The following SDC4 variants were observed in gnomAD, a reference collection of about 807,000 sequenced individuals.
SDC4 encodes syndecan-4.
Under a neutral mutation model 20.5 loss-of-function variants are expected in SDC4, and 17 were observed. The ratio of observed to expected loss-of-function variants is 0.83; its 90% CI spans 0.57 to 1.25. SDC4 has a LOEUF of 1.25. Ranked by LOEUF, SDC4 falls within the 50% of genes most tolerant of loss-of-function variation. The probability of loss-of-function intolerance (pLI) is 0.00; values close to 1 mark genes in which losing one functional copy is unlikely to be tolerated. For synonymous variants in SDC4, 107 were observed against 105.3 expected (o/e 1.02, Z -0.10); for missense variants, 241 against 252.3 (o/e 0.96, Z 0.30).
chr20:45,337,974 C>T (rs1471926865), intron 1 of SDC4, among the ~76,000 whole-genome samples: 3 of 152,186 alleles, frequency 2.0e-5, no homozygotes, highest in African/African-American at 2.4e-5. Flanking sequence ...TTCAAGCCCC[C>T]GCACATAGCC....
chr20:45,338,849 C>G (rs973334483), intron 1 of SDC4, among the ~76,000 whole-genome samples: 2 of 152,128 alleles, frequency 1.3e-5, no homozygotes, highest in Non-Finnish European at 2.9e-5. Flanking sequence ...GGCCTGGATT[C>G]GATCCTATTT....
intron 1 of SDC4, among the ~76,000 whole-genome samples, chr20:45,341,638 G>A (rs1366735275): frequency 6.6e-6 from 1 of 152,188 alleles, no homozygotes; most frequent in South Asian, 2.1e-4. Context: ...GGTTAAACCA[G>A]GTCTGGGGGT....
chr20:45,338,659 G>C (rs146089968), intron 1 of SDC4, among the ~76,000 whole-genome samples: 105 of 152,320 alleles, frequency 6.9e-4, no homozygotes, highest in African/African-American at 2.5e-3. Flanking sequence ...GGCTATGAGC[G>C]AAAGTGGGGC....
chr20:45,336,077 G>A (rs901294306), intron 1 of SDC4, among the ~76,000 whole-genome samples, 157 bp from the exon 2 acceptor site: 13 of 152,068 alleles, frequency 8.5e-5, no homozygotes, highest in Admixed American at 2.0e-4. Flanking sequence ...CTAACTCACC[G>A]CGTGTCCTTA....
intron 1 of SDC4, among the ~76,000 whole-genome samples, chr20:45,336,724 T>C (rs1245576390): frequency 6.6e-6 from 1 of 152,044 alleles, no homozygotes; most frequent in African/African-American, 2.4e-5. Flanking sequence ...AGTGGGCTCC[T>C]GGTTCTGGTC....
chr20:45,329,548 C>T lies in SDC4; in HGVS notation c.445+818G>A, dbSNP rs141180478. 5.5e-3 allele frequency among the ~76,000 whole-genome samples: 833 copies of T among 152,334 alleles called. 5 individuals are homozygous for T. The highest frequency in any genetic ancestry group is 0.035 in the South Asian group (168 of 4,828). Reference sequence around the variant, plus strand: ...TCCCAGGAACCCTCTTTACAAGAGGCAGGTGAGACCTTCCATCTGTCCTGG... The same window carrying T: ...TCCCAGGAACCCTCTTTACAAGAGGTAGGTGAGACCTTCCATCTGTCCTGG... On this transcript the variant is annotated intron_variant, in intron 4 of 4. Transcript: ENST00000372733.
intron 1 of SDC4, among the ~76,000 whole-genome samples, chr20:45,341,889 C>T (rs1987957732): frequency 6.6e-6 from 1 of 152,208 alleles, no homozygotes. Context: ...TACTAACTCC[C>T]TGGATGATCG....
chr20:45,327,521 C>T (rs1600727641), intron 4 of SDC4, 106 bp from the exon 5 acceptor site: 1 of 1,243,648 alleles, frequency 8.0e-7, no homozygotes, highest in East Asian at 2.6e-5. Flanking sequence ...CAGACATCCT[C>T]ACCATCACCA....
At chr20:45,332,853 A>G (rs1284068846) in intron 3 of SDC4, among the ~76,000 whole-genome samples, 170 bp downstream of exon 3, 2 of 152,240 alleles carry the variant, frequency 1.3e-5, no homozygotes, top group African/African-American at 2.4e-5. Flanking sequence ...CTGGGATTAC[A>G]GGCCTGAGCC....
At chr20:45,331,544 G>A (rs1987777808) in intron 3 of SDC4, among the ~76,000 whole-genome samples, 1 of 152,126 alleles carries the variant, frequency 6.6e-6, no homozygotes, top group Non-Finnish European at 1.5e-5. Context: ...AATGAGATAG[G>A]AGGTCTGCAC....
At position 45,327,222 on chromosome 20, in the gene SDC4, T is replaced by C. The variant is rs768784923; in HGVS notation, c.*42A>G. The C allele has an allele frequency of 6.2e-7, 1 of 1,610,584 alleles. No individual in the cohort carries two copies. The highest frequency in any genetic ancestry group is 8.5e-7 in the Non-Finnish European group (1 of 1,177,610). ...GTCCACCCTTCAAAATCCCCTGGCT[T>C]CCCTCCCCGCTAAAGTCCAAGCCAG... On this transcript the variant is annotated 3_prime_UTR_variant, in exon 5 of 5. Transcript: ENST00000372733.
rs751865190 is a variant in SDC4, at chr20:45,327,307, TTCTTGCCC to T, written c.546_553del (p.Gly183ThrfsTer10). 6.2e-7 allele frequency: 1 copy of T among 1,614,186 alleles called. No homozygotes were observed. The highest frequency in any genetic ancestry group is 1.7e-5 in the Admixed American group (1 of 60,026). On this transcript the variant is annotated frameshift_variant, in exon 5 of 5. Transcript: ENST00000372733. LOFTEE classifies it high-confidence loss of function. ...GGTGGGGGCTTTCTTGTAGATGGGT[TTCTTGCCC>T]AGGTCATAGCTGCCTTCATCCTTCT...
intron 1 of SDC4, among the ~76,000 whole-genome samples, chr20:45,337,512 G>A (rs954887257): frequency 1.3e-5 from 2 of 152,198 alleles, no homozygotes; most frequent in African/African-American, 2.4e-5. Flanking sequence ...CAGAGCGTTC[G>A]CTACATAACT....
chr20:45,334,071 T>A (rs189630344), intron 2 of SDC4, among the ~76,000 whole-genome samples: 1 of 151,976 alleles, frequency 6.6e-6, no homozygotes, highest in Admixed American at 6.6e-5. Context: ...CTCGGCTCAC[T>A]GCAACCTCTG....
At chr20:45,342,014 C>A (rs191941151) in intron 1 of SDC4, among the ~76,000 whole-genome samples, 18 of 152,302 alleles carry the variant, frequency 1.2e-4, no homozygotes, top group Non-Finnish European at 1.9e-4. Context: ...CTCCGATTAC[C>A]GGTGGAGACA....
chr20:45,336,671 A>C (rs1337315765), intron 1 of SDC4, among the ~76,000 whole-genome samples: 1 of 152,026 alleles, frequency 6.6e-6, no homozygotes, highest in East Asian at 1.9e-4. Context: ...GCTACACTCC[A>C]GGGCTCTGTG....
intron 1 of SDC4, among the ~76,000 whole-genome samples, chr20:45,336,571 G>A (rs936013837): frequency 5.9e-5 from 9 of 152,126 alleles, no homozygotes; most frequent in Non-Finnish European, 1.3e-4. Context: ...TTCTTTTGGT[G>A]ACACAGCTGG....
intron 1 of SDC4, among the ~76,000 whole-genome samples, chr20:45,346,260 G>A (rs1043373216): frequency 3.3e-5 from 5 of 152,206 alleles, no homozygotes; most frequent in Admixed American, 1.3e-4. Flanking sequence ...CTAGAAAAGA[G>A]GGAGGGGACA....
At position 45,327,092 on chromosome 20, in the gene SDC4, C is replaced by T. The variant is rs1987702843; in HGVS notation, c.*172G>A. ...ACTGAGGCCCAAAGCTCAAGAAGAACCTGGCAGAACAGTAGAAGACAATGT... is the reference window on the plus strand; with the variant it reads ...ACTGAGGCCCAAAGCTCAAGAAGAATCTGGCAGAACAGTAGAAGACAATGT... On this transcript the variant is annotated 3_prime_UTR_variant, in exon 5 of 5. Coordinates refer to ENST00000372733, the MANE Select transcript of SDC4 (RefSeq NM_002999.4). 1.6e-6 allele frequency: 1 copy of T among 641,774 alleles called. No homozygotes were observed. The highest frequency in any genetic ancestry group is 2.5e-6 in the Non-Finnish European group (1 of 401,640). The allele number at this position is 641,774 out of a possible 1,614,324, so 39.8% of individuals were successfully genotyped here.
Sources: gnomAD v4.1 joint callset for allele counts (sites outside exome capture counted in the v4.1 genomes callset) on GRCh38, gnomAD v4.1.1 for gene constraint, MANE v1.5 for transcripts, NCBI Gene and HGNC (gene_info 2026-07-23, HGNC 2026-07-21) for gene names.